The following CLMN variants were observed in gnomAD, a reference collection of about 807,000 sequenced individuals.
CLMN encodes the protein calmin, also known as calmin (calponin-like, transmembrane).
In CLMN, 57 loss-of-function variants were observed where a neutral mutation model predicts 92.7. That is an observed-to-expected ratio of 0.61 (90% CI 0.50 to 0.77). The LOEUF (loss-of-function observed/expected upper bound fraction) is 0.77, where lower values mean the gene tolerates loss of function less well. Among genes scored for constraint, CLMN ranks in the 30% least tolerant of loss-of-function variants. The pLI is 0.00. For synonymous variants in CLMN, 466 were observed against 470.6 expected, an observed-to-expected ratio of 0.99 and a Z score of 0.13; for missense variants, 1,158 against 1,237.5, an observed-to-expected ratio of 0.94 and a Z score of 0.96.
chr14:95,310,802 G>C (rs999316406), intron 1 of CLMN, among the ~76,000 whole-genome samples: 2 of 152,220 alleles, frequency 1.3e-5, no homozygotes. Flanking sequence ...CGTGGACAAA[G>C]GCACAGCAAG....
chr14:95,300,038 C>T (rs1023257379), intron 1 of CLMN, among the ~76,000 whole-genome samples: 13 of 152,224 alleles, frequency 8.5e-5, no homozygotes, highest in African/African-American at 2.7e-4. Context: ...AACATAGAGA[C>T]GCCTCTACAG....
At chr14:95,262,190 G>T (rs920615090) in intron 1 of CLMN, among the ~76,000 whole-genome samples, 1 of 152,232 alleles carries the variant, frequency 6.6e-6, no homozygotes, top group African/African-American at 2.4e-5. Context: ...TATTCTCAGA[G>T]CTGGGCTCCA....
intron 9 of CLMN, among the ~76,000 whole-genome samples, chr14:95,198,743 C>A (rs1896794461): frequency 6.6e-6 from 1 of 152,140 alleles, no homozygotes; most frequent in African/African-American, 2.4e-5. Flanking sequence ...AGCCACACCG[C>A]AAATCACCTG....
At position 95,294,664 on chromosome 14, in the gene CLMN, C is replaced by T. The variant is rs1183489258; in HGVS notation, c.82+25047G>A. Among the ~76,000 whole-genome samples the T allele has an allele frequency of 6.6e-6, 1 of 152,190 alleles. No homozygotes were observed. The highest frequency in any genetic ancestry group is 1.5e-5 in the Non-Finnish European group (1 of 68,034). The stretch of plus-strand genomic sequence containing the variant: ...TAAATCCCTGTGCTAGTCTCCTTTG[C>T]ACACCCCTCCTCCTACTTCATCTTC... On this transcript the variant is annotated intron_variant, in intron 1 of 12. Transcript: ENST00000298912. This position sits in a 1 kb window ranked among gnomAD's most constrained non-coding sequence, Gnocchi z 4.2.
At chr14:95,317,749 A>G (rs1303570973) in intron 1 of CLMN, among the ~76,000 whole-genome samples, 3 of 152,212 alleles carry the variant, frequency 2.0e-5, no homozygotes, top group Non-Finnish European at 2.9e-5. Flanking sequence ...TGAATCGACC[A>G]TCTAGGGTAC....
rs149260152 is a variant in CLMN at position 95,182,450 on chromosome 14, A to G, written c.*9114T>C. On this transcript the variant is annotated 3_prime_UTR_variant, in exon 13 of 13. Coordinates refer to ENST00000298912, the MANE Select transcript of CLMN (RefSeq NM_024734.4). ...TGAGGATGTACAGTAGGGAACGACC[A>G]TTTTTCCGTGTTCACAATTTGTCTT... The G allele has an allele frequency of 6.6e-6, 1 of 152,264 alleles. No homozygotes were observed. The highest frequency in any genetic ancestry group is 1.5e-5 in the Non-Finnish European group (1 of 68,028). The allele number at this position is 152,264 out of a possible 1,614,324, so 9.4% of individuals were successfully genotyped here. A position where few individuals can be genotyped will look rare whatever the true frequency, so the allele number is the denominator to read the frequency against.
At chr14:95,293,425 C>T (rs1343698777) in intron 1 of CLMN, among the ~76,000 whole-genome samples, 1 of 146,572 alleles carries the variant, frequency 6.8e-6, no homozygotes, top group Non-Finnish European at 1.5e-5. Flanking sequence ...TCTCTCAATA[C>T]CTCCTTCCTC....
chr14:95,300,129 G>A (rs1900983129), intron 1 of CLMN, among the ~76,000 whole-genome samples: 1 of 152,192 alleles, frequency 6.6e-6, no homozygotes, highest in South Asian at 2.1e-4. Flanking sequence ...ATGCTCAGTG[G>A]GGCACGGTGT....
At chr14:95,207,373 G>A (rs553259850) in intron 8 of CLMN, among the ~76,000 whole-genome samples, 9 of 152,228 alleles carry the variant, frequency 5.9e-5, no homozygotes, top group Admixed American at 6.5e-5. Flanking sequence ...TCCTGCTTCA[G>A]CCTCCCAAAG....
chr14:95,260,352 G>A (rs967610311), intron 1 of CLMN, among the ~76,000 whole-genome samples: 7 of 151,904 alleles, frequency 4.6e-5, no homozygotes, highest in African/African-American at 1.7e-4. Context: ...TGAGGCAGGA[G>A]AATGGTGTGA....
At chr14:95,281,705 T>C (rs2140741008) in intron 1 of CLMN, among the ~76,000 whole-genome samples, 1 of 152,362 alleles carries the variant, frequency 6.6e-6, no homozygotes, top group South Asian at 2.1e-4. Context: ...GCCTTCTTGT[T>C]TAGTCACTTG....
chr14:95,237,479 G>T (rs1898095650), intron 1 of CLMN, among the ~76,000 whole-genome samples: 1 of 152,250 alleles, frequency 6.6e-6, no homozygotes, highest in Non-Finnish European at 1.5e-5. Flanking sequence ...GCTACCCTGG[G>T]TTCTCTCTGT....
At position 95,187,168 on chromosome 14, in the gene CLMN, G is replaced by C. The variant is rs1285920072; in HGVS notation, c.*4396C>G. 6.6e-6 allele frequency: 1 copy of C among 152,296 alleles called. No homozygotes were observed. Among genetic ancestry groups the C allele is most frequent in the Non-Finnish European group, 1.5e-5 (1 of 68,130 alleles). 9.4% of individuals were successfully genotyped at this position (152,296 alleles called of 1,614,324 possible). On this transcript the variant is annotated 3_prime_UTR_variant, in exon 13 of 13. Transcript: ENST00000298912. ...TCAGGGCACGTTCACAAACCAGTCA[G>C]AGCAGCAAGCCCCCTAAGCAACCTG... is the stretch of plus-strand genomic sequence containing the variant.
At position 95,254,165 on chromosome 14, in the gene CLMN, T is replaced by C. The variant is rs866199949; in HGVS notation, c.83-24032A>G. Among the ~76,000 whole-genome samples the C allele has an allele frequency of 7.2e-5, 11 of 152,098 alleles. No individual in the cohort carries two copies. In the South Asian group the frequency reaches 1.5e-3, roughly 20 times the overall value. On this transcript the variant is annotated intron_variant, in intron 1 of 12. Transcript: ENST00000298912. ...ACGGGGGTGATGATCCCAGCTGTCC[T>C]TTCTCACCCATCGTGCAGTTGTGAG... is the stretch of plus-strand genomic sequence containing the variant.
Position 95,204,276 on chromosome 14 carries a change from C to T in CLMN, c.1073G>A (p.Ser358Asn). The part of the protein sequence containing the change: ...SKVFVCDKPE[S>N]MKEFRLDGVS... ...ACCATCCAGGCGGAATTCCTTCATGCTCTCGGGCTTGTCACAGACAAAGAC... is the reference window on the plus strand; with the variant it reads ...ACCATCCAGGCGGAATTCCTTCATGTTCTCGGGCTTGTCACAGACAAAGAC... Residue 358 changes from serine to asparagine, a missense_variant, in exon 9 of 13, where the codon AGC becomes AAC. Ser to Asn is a conservative substitution (Grantham distance 46). Coordinates refer to ENST00000298912, the MANE Select transcript of CLMN (RefSeq NM_024734.4). The T allele has an allele frequency of 6.2e-7, 1 of 1,614,134 alleles. No homozygotes were observed. The highest frequency in any genetic ancestry group is 1.6e-4 in the Middle Eastern group (1 of 6,062).
chr14:95,224,974 G>T (rs1433004106), intron 2 of CLMN, among the ~76,000 whole-genome samples: 1 of 152,158 alleles, frequency 6.6e-6, no homozygotes, highest in Non-Finnish European at 1.5e-5. Context: ...CCTGCTGAAT[G>T]GCTCAATGGT....
chr14:95,238,647 C>A (rs2140649932), intron 1 of CLMN, among the ~76,000 whole-genome samples: 1 of 152,302 alleles, frequency 6.6e-6, no homozygotes, highest in South Asian at 2.1e-4. Flanking sequence ...TCCTCCACCA[C>A]CCCCTGCCAC....
chr14:95,191,703 G>A lies in CLMN; in HGVS notation c.2870C>T (p.Ser957Leu), dbSNP rs150449481. Residue 957 changes from serine to leucine, a missense_variant, in exon 13 of 13, where the codon TCA becomes TTA. Transcript: ENST00000298912. This position sits in a 1 kb window ranked among gnomAD's most constrained non-coding sequence, Gnocchi z 5.3. ...RKANSSGEAM[S>L]LGSHSPQSDS... ...ACTCTGCGGGCTGTGGCTCCCCAGT[G>A]ACATGGCTTCTCCTGAGCTGTTGGC... 2 of 1,611,990 alleles carry A rather than the reference G, an allele frequency of 1.2e-6. No individual in the cohort carries two copies. The highest frequency in any genetic ancestry group is 1.7e-6 in the Non-Finnish European group (2 of 1,179,600).
intron 6 of CLMN, 142 bp downstream of exon 6, chr14:95,213,077 G>A (rs1019272431): frequency 3.0e-5 from 26 of 880,156 alleles, no homozygotes; most frequent in African/African-American, 1.7e-4. Flanking sequence ...ATGAGCCACC[G>A]CGCCTGCCCC....
Sources: gnomAD v4.1 joint callset for allele counts (sites outside exome capture counted in the v4.1 genomes callset) on GRCh38, gnomAD v4.1.1 for gene constraint, Gnocchi (gnomAD v3.1) non-coding constraint, MANE v1.5 for transcripts, NCBI Gene and HGNC (gene_info 2026-07-23, HGNC 2026-07-21) for gene names.